Variants in RTN4R observed in about 807,000 individuals in gnomAD.
The protein encoded by RTN4R is reticulon 4 receptor.
Under a neutral mutation model 27.7 loss-of-function variants are expected in RTN4R, and 4 were observed. That is an observed-to-expected ratio of 0.14 (90% CI 0.07 to 0.33). The LOEUF is 0.33. Ranked by LOEUF, RTN4R falls within the 10% of genes least tolerant of loss-of-function variation. RTN4R has a pLI of 1.00. For missense variants in RTN4R, 554 were observed against 671.5 expected, an observed-to-expected ratio of 0.83 and a Z score of 1.93; for synonymous variants, 290 against 305.6, an observed-to-expected ratio of 0.95 and a Z score of 0.53.
At chr22:20,256,176 G>A (rs1390709197) in intron 1 of RTN4R, among the ~76,000 whole-genome samples, 1 of 152,212 alleles carries the variant, frequency 6.6e-6, no homozygotes, top group East Asian at 1.9e-4. Context: ...GCTGCCCTCC[G>A]GGAGGCGGGG....
Sources: allele counts gnomAD v4.1 joint callset (sites outside exome capture counted in the v4.1 genomes callset), GRCh38; gene constraint gnomAD v4.1.1; transcripts MANE v1.5; gene names NCBI Gene and HGNC (gene_info 2026-07-23, HGNC 2026-07-21).